WIPF1: variants seen among roughly 807,000 people sequenced by gnomAD.
WIPF1 encodes the protein WAS/WASL-interacting protein family member 1.
WIPF1 carries 13 observed loss-of-function variants against 35.4 expected under a neutral mutation model. The ratio of observed to expected loss-of-function variants is 0.37; its 90% CI spans 0.24 to 0.58. The LOEUF is 0.58. Ranked by LOEUF, WIPF1 falls within the 20% of genes least tolerant of loss-of-function variation. WIPF1 has a pLI of 0.74. For synonymous variants in WIPF1, 267 were observed against 266.3 expected (o/e 1.00, Z -0.02); for missense variants, 591 against 667.0 (o/e 0.89, Z 1.25).
At position 174,559,661 on chromosome 2, in the gene WIPF1, T is replaced by C. The variant is rs1684435253; in HGVS notation, c.*2886A>G. Reference sequence around the variant, plus strand: ...TACCCTACCACTTACACTATCCTGATGACACAGATAGCAAAATGTGTCTGT... The same window carrying C: ...TACCCTACCACTTACACTATCCTGACGACACAGATAGCAAAATGTGTCTGT... On this transcript the variant is annotated 3_prime_UTR_variant, in exon 8 of 8. Transcript: ENST00000679041. 6.6e-6 allele frequency: 1 copy of C among 152,298 alleles called. No homozygotes were observed. Among genetic ancestry groups the C allele is most frequent in the Non-Finnish European group, 1.5e-5 (1 of 68,008 alleles). 9.4% of individuals were successfully genotyped at this position (152,298 alleles called of 1,614,324 possible). A position where few individuals can be genotyped will look rare whatever the true frequency, so the allele number is the denominator to read the frequency against.
intron 3 of WIPF1, among the ~76,000 whole-genome samples, chr2:174,577,682 T>G (rs1164237857): frequency 6.6e-6 from 1 of 152,110 alleles, no homozygotes; most frequent in Admixed American, 6.5e-5. Flanking sequence ...TCCCAACACT[T>G]TGGGAGGCCA....
chr2:174,672,428 C>T (rs1046431323), intron 1 of WIPF1, among the ~76,000 whole-genome samples: 1 of 152,188 alleles, frequency 6.6e-6, no homozygotes, highest in South Asian at 2.1e-4. Flanking sequence ...AGCTAATATT[C>T]CTTCTTTAGC....
chr2:174,602,527 T>C (rs1156819474), upstream of WIPF1, among the ~76,000 whole-genome samples: 8 of 152,226 alleles, frequency 5.3e-5, no homozygotes, highest in Non-Finnish European at 1.0e-4. Flanking sequence ...TGACTCCTTA[T>C]AGATTTTTAG....
chr2:174,640,807 A>C (rs1431930181), intron 1 of WIPF1, among the ~76,000 whole-genome samples: 2 of 152,086 alleles, frequency 1.3e-5, no homozygotes, highest in African/African-American at 4.8e-5. Flanking sequence ...TTAAAGAATT[A>C]ATATTGTTAA....
At chr2:174,671,590 G>A (rs1161886743) in intron 1 of WIPF1, among the ~76,000 whole-genome samples, 4 of 152,240 alleles carry the variant, frequency 2.6e-5, no homozygotes, top group East Asian at 3.9e-4. Flanking sequence ...GAGATATATC[G>A]CTGAATTCTT....
At chr2:174,626,284 TTCTC>T (rs769348716) in intron 1 of WIPF1, among the ~76,000 whole-genome samples, 2 of 152,248 alleles carry the variant, frequency 1.3e-5, no homozygotes, top group Non-Finnish European at 2.9e-5. Flanking sequence ...CAAAAGAACA[TTCTC>T]TCTCTGATTT....
chr2:174,621,576 A>G (rs1352766733), intron 1 of WIPF1, among the ~76,000 whole-genome samples: 1 of 152,146 alleles, frequency 6.6e-6, no homozygotes, highest in Non-Finnish European at 1.5e-5. Flanking sequence ...TCCACTAAAA[A>G]TACAATGCAA....
intron 1 of WIPF1, among the ~76,000 whole-genome samples, chr2:174,588,391 C>G (rs943474269): frequency 2.0e-5 from 3 of 152,104 alleles, no homozygotes; most frequent in Admixed American, 1.3e-4. Flanking sequence ...CTAACAGGAA[C>G]CTCTTATGGG....
chr2:174,635,525 G>GTTTTTT (rs1179795195), intron 1 of WIPF1, among the ~76,000 whole-genome samples: 36 of 126,178 alleles, frequency 2.9e-4, no homozygotes, highest in East Asian at 1.0e-3. Flanking sequence ...GGTGCCTTCT[G>GTTTTTT]TTTGTTTTTT....
intron 1 of WIPF1, among the ~76,000 whole-genome samples, chr2:174,611,703 G>A (rs1293305432): frequency 6.6e-6 from 1 of 152,196 alleles, no homozygotes; most frequent in African/African-American, 2.4e-5. Context: ...GAGGCATCAG[G>A]AGGAAATCAA....
intron 1 of WIPF1, among the ~76,000 whole-genome samples, chr2:174,679,819 T>C (rs1269503404): frequency 6.6e-6 from 1 of 152,182 alleles, no homozygotes; most frequent in African/African-American, 2.4e-5. Context: ...CCATAATACC[T>C]ACAGAGTGAG....
intron 3 of WIPF1, among the ~76,000 whole-genome samples, chr2:174,578,518 A>G (rs1401702636): frequency 1.3e-5 from 2 of 152,210 alleles, no homozygotes; most frequent in African/African-American, 4.8e-5. Flanking sequence ...GAATAAATAT[A>G]TGCTTTTCTT....
At chr2:174,573,926 G>A (rs1330355916) in intron 4 of WIPF1, among the ~76,000 whole-genome samples, 1 of 143,054 alleles carries the variant, frequency 7.0e-6, no homozygotes, top group African/African-American at 2.6e-5. Context: ...TGCCTCCTCT[G>A]TTGCCCAGGC....
At chr2:174,613,014 T>C (rs1686400101) in intron 1 of WIPF1, among the ~76,000 whole-genome samples, 1 of 152,260 alleles carries the variant, frequency 6.6e-6, no homozygotes, top group Admixed American at 6.5e-5. Context: ...TGAGAATTTT[T>C]ACCACTGTAA....
intron 1 of WIPF1, among the ~76,000 whole-genome samples, chr2:174,615,834 G>A (rs1202115039): frequency 1.3e-5 from 2 of 152,148 alleles, no homozygotes; most frequent in African/African-American, 4.8e-5. Context: ...AAACAGGGGA[G>A]CCAATGCTTG....
chr2:174,651,624 G>T (rs1173811122), intron 1 of WIPF1, among the ~76,000 whole-genome samples: 1 of 152,132 alleles, frequency 6.6e-6, no homozygotes, highest in Non-Finnish European at 1.5e-5. Flanking sequence ...CAACCAGGTG[G>T]TTCTCACAAT....
chr2:174,581,202 GT>G, intron 3 of WIPF1, 107 bp downstream of exon 3: 1 of 1,478,894 alleles, frequency 6.8e-7, no homozygotes, highest in Non-Finnish European at 9.1e-7. Context: ...CTTTGCAGCT[GT>G]TGTTAACCAA....
intron 1 of WIPF1, among the ~76,000 whole-genome samples, chr2:174,592,151 T>C (rs1685635631): frequency 6.6e-6 from 1 of 152,158 alleles, no homozygotes; most frequent in African/African-American, 2.4e-5. Context: ...TGTTTCTTAG[T>C]TTCATAGCCA....
rs1434861221 is a variant in WIPF1, at chr2:174,645,068, A to C, written c.-39+37706T>G. Among the ~76,000 whole-genome samples the C allele has an allele frequency of 2.0e-5, 3 of 152,188 alleles. No homozygotes were observed. In the South Asian group the frequency reaches 6.2e-4, roughly 32 times the overall value. ...AATAGGGATAAAGGTATAGCAAGTA[A>C]ACCTGTCAGTCACTCGATTTACTGA... On this transcript the variant is annotated intron_variant, in intron 1 of 8. Transcript: ENST00000272746.
Sources: allele counts gnomAD v4.1 joint callset (sites outside exome capture counted in the v4.1 genomes callset), GRCh38; gene constraint gnomAD v4.1.1; transcripts MANE v1.5; gene names NCBI Gene and HGNC (gene_info 2026-07-23, HGNC 2026-07-21).